Variants in RNF24 observed in about 807,000 individuals in gnomAD.
RNF24 encodes the protein ring finger protein 24.
In RNF24, 14 loss-of-function variants were observed where a neutral mutation model predicts 20.0. That is an observed-to-expected ratio of 0.70 (90% CI 0.46 to 1.10). The LOEUF is 1.10. Among genes scored for constraint, RNF24 ranks in the 50% least tolerant of loss-of-function variants. The pLI, the probability that RNF24 is intolerant of heterozygous loss-of-function variation, is 0.00. For synonymous variants in RNF24, 45 were observed against 61.1 expected (o/e 0.74, Z 1.23); for missense variants, 124 against 177.6 (o/e 0.70, Z 1.71).
chr20:3,990,709 C>CAT (rs1397387477), intron 1 of RNF24, among the ~76,000 whole-genome samples: 2 of 151,820 alleles, frequency 1.3e-5, no homozygotes, highest in African/African-American at 2.4e-5. Context: ...TACACACACA[C>CAT]ATATATATAT....
intron 1 of RNF24, among the ~76,000 whole-genome samples, chr20:3,980,605 G>A (rs1297815150): frequency 6.6e-6 from 1 of 152,102 alleles, no homozygotes; most frequent in East Asian, 1.9e-4. Flanking sequence ...GAAAATAAGG[G>A]CGAACTACTG....
chr20:3,974,234 G>C, intron 1 of RNF24: 1 of 1,209,742 alleles, frequency 8.3e-7, no homozygotes, highest in Non-Finnish European at 1.1e-6. Flanking sequence ...ATGTTAAAAA[G>C]CATCTACAAA....
intron 1 of RNF24, among the ~76,000 whole-genome samples, chr20:3,997,560 C>T (rs966653901): frequency 3.9e-5 from 6 of 151,930 alleles, no homozygotes; most frequent in Admixed American, 2.0e-4. Context: ...CAGAGTAGCT[C>T]GAACCACAGA....
At chr20:4,015,331 C>T (rs1982809066) in intron 1 of RNF24, 106 bp downstream of exon 1, 2 of 152,104 alleles carry the variant, frequency 1.3e-5, no homozygotes, top group Admixed American at 6.6e-5. Context: ...GAGGCTGGCG[C>T]GGGCCCGCGG....
At chr20:3,978,226 C>CG (rs1437583286) in intron 1 of RNF24, among the ~76,000 whole-genome samples, 1 of 151,716 alleles carries the variant, frequency 6.6e-6, no homozygotes, top group East Asian at 1.9e-4. Context: ...TTAGTAGAGA[C>CG]GGGGTTTCGC....
chr20:4,008,332 A>T (rs1490169937), intron 1 of RNF24, among the ~76,000 whole-genome samples: 1 of 90,316 alleles, frequency 1.1e-5, no homozygotes, highest in Non-Finnish European at 2.0e-5. Context: ...TATATATATA[A>T]TATATATATT....
At chr20:3,967,399 T>C (rs914217984) in intron 1 of RNF24, among the ~76,000 whole-genome samples, 2 of 151,894 alleles carry the variant, frequency 1.3e-5, no homozygotes, top group African/African-American at 4.8e-5. Context: ...ATCTCTAGCC[T>C]CAGCCTAAAT....
chr20:3,935,956 G>A (rs1251548685), intron 4 of RNF24, among the ~76,000 whole-genome samples: 1 of 124,524 alleles, frequency 8.0e-6, no homozygotes, highest in African/African-American at 3.3e-5. Flanking sequence ...CTCCCTACTT[G>A]CTTCCCTGTC....
intron 1 of RNF24, among the ~76,000 whole-genome samples, chr20:4,011,991 CTATATAA>C (rs1265358651): frequency 5.9e-5 from 9 of 152,212 alleles, no homozygotes; most frequent in South Asian, 4.1e-4. Context: ...AGTGGTTTAA[CTATATAA>C]TATATAAGAC....
chr20:3,953,467 CTTT>C (rs58150160), intron 2 of RNF24, among the ~76,000 whole-genome samples: 46 of 128,388 alleles, frequency 3.6e-4, no homozygotes, highest in East Asian at 2.3e-4. Context: ...CACATTCTCT[CTTT>C]TTTTTTTTTT....
intron 2 of RNF24, among the ~76,000 whole-genome samples, chr20:3,954,357 T>C (rs1484483089): frequency 3.9e-5 from 6 of 152,370 alleles, no homozygotes; most frequent in East Asian, 1.9e-4. Flanking sequence ...CTTTTGTGTA[T>C]GGCTTTCCAC....
chr20:3,977,693 G>A (rs992415233), intron 1 of RNF24, among the ~76,000 whole-genome samples: 2 of 151,790 alleles, frequency 1.3e-5, no homozygotes, highest in African/African-American at 2.4e-5. Flanking sequence ...GTGAAACCCC[G>A]TGTCTACTAA....
rs1309161652 is a variant in RNF24, at chr20:3,963,272, AACCTCC to A, written c.143+597_143+602del. 4.9e-4 allele frequency among the ~76,000 whole-genome samples: 74 copies of A among 152,324 alleles called. 1 individual carries two copies. Among genetic ancestry groups the A allele is most frequent in the Non-Finnish European group, 2.4e-4 (16 of 68,028 alleles). ...CAATGGCACGATCTTGGCTCACTGC[AACCTCC>A]ACCTCCTGGGTTCCAGTGATTTTCC... On this transcript the variant is annotated intron_variant, in intron 2 of 5. Transcript: ENST00000358395.
intron 1 of RNF24, among the ~76,000 whole-genome samples, chr20:3,964,779 A>G (rs1397149790): frequency 6.6e-6 from 1 of 152,092 alleles, no homozygotes; most frequent in African/African-American, 2.4e-5. Flanking sequence ...TGGCCTCCCA[A>G]AGTGCTGGTA....
chr20:3,981,095 G>A (rs767897582), intron 1 of RNF24, among the ~76,000 whole-genome samples: 11 of 151,880 alleles, frequency 7.2e-5, no homozygotes, highest in Non-Finnish European at 1.5e-4. Flanking sequence ...CCTAATTCTG[G>A]ACCAGATGTA....
intron 1 of RNF24, among the ~76,000 whole-genome samples, chr20:3,995,004 G>A (rs1980746147): frequency 6.6e-6 from 1 of 152,218 alleles, no homozygotes; most frequent in South Asian, 2.1e-4. Context: ...CAATGTCACT[G>A]ATAGTTTAGC....
intron 2 of RNF24, among the ~76,000 whole-genome samples, chr20:3,960,909 T>C (rs1182961488): frequency 6.6e-6 from 1 of 151,960 alleles, no homozygotes; most frequent in African/African-American, 2.4e-5. Flanking sequence ...TTCTCATGCC[T>C]CAGCCTCCCG....
chr20:3,965,726 G>A (rs572221277), intron 1 of RNF24, among the ~76,000 whole-genome samples: 1 of 152,172 alleles, frequency 6.6e-6, no homozygotes, highest in African/African-American at 2.4e-5. Flanking sequence ...TTGCTGACAG[G>A]GCCTCACTTG....
At position 3,945,170 on chromosome 20, in the gene RNF24, A is replaced by C; in HGVS notation, c.228+7T>G. The C allele has an allele frequency of 6.3e-7, 1 of 1,599,480 alleles. No homozygotes were observed. On this transcript the variant is annotated splice_region_variant and intron_variant, in intron 4 of 5. Coordinates refer to ENST00000358395, the MANE Select transcript of RNF24 (RefSeq NM_001134337.3). ...GGCTCAAGAGGATTTACTTATCATC[A>C]ACTTACCTCATGTAAATTCAATTCT...
Sources: allele counts gnomAD v4.1 joint callset (sites outside exome capture counted in the v4.1 genomes callset), GRCh38; gene constraint gnomAD v4.1.1; transcripts MANE v1.5; gene names NCBI Gene and HGNC (gene_info 2026-07-23, HGNC 2026-07-21).